Variants in DAB1 observed in about 807,000 individuals in gnomAD.
DAB1 encodes the protein disabled homolog 1.
In DAB1, 15 loss-of-function variants were observed where a neutral mutation model predicts 64.6. The observed-to-expected ratio is 0.23, with a 90% CI of 0.16 to 0.36. DAB1 has a LOEUF of 0.36. Among genes scored for constraint, DAB1 ranks in the 10% least tolerant of loss-of-function variants. The pLI, the probability that DAB1 is intolerant of heterozygous loss-of-function variation, is 1.00. For missense variants in DAB1, 596 were observed against 706.7 expected (o/e 0.84, Z 1.78); for synonymous variants, 235 against 251.9 (o/e 0.93, Z 0.64).
At chr1:57,196,471 T>A (rs1281168023) in intron 2 of DAB1, among the ~76,000 whole-genome samples, 1 of 152,172 alleles carries the variant, frequency 6.6e-6, no homozygotes, top group South Asian at 2.1e-4. Context: ...ACCAGGAAGA[T>A]TAGCAAACAT....
chr1:57,909,555 G>C (rs1644609519), intron 5 of DAB1, among the ~76,000 whole-genome samples: 1 of 151,994 alleles, frequency 6.6e-6, no homozygotes, highest in Non-Finnish European at 1.5e-5. Context: ...TCTAGTTAGA[G>C]AAACAATTTT....
At chr1:57,584,895 T>A (rs1402941215) in intron 7 of DAB1, among the ~76,000 whole-genome samples, 3 of 150,080 alleles carry the variant, frequency 2.0e-5, no homozygotes, top group Non-Finnish European at 4.5e-5. Flanking sequence ...GCCATCACAT[T>A]TCCTCATCTA....
At chr1:57,899,949 T>A (rs1163765248) in intron 5 of DAB1, among the ~76,000 whole-genome samples, 1 of 151,500 alleles carries the variant, frequency 6.6e-6, no homozygotes, top group Non-Finnish European at 1.5e-5. Context: ...TTTTTTTTTT[T>A]ATTTTTTAGA....
At chr1:57,739,434 C>CCCCTCCCCTCCCCCCCCCTCCCCTT (rs1647859166) in intron 6 of DAB1, among the ~76,000 whole-genome samples, 2 of 18,104 alleles carry the variant, frequency 1.1e-4, no homozygotes, top group Non-Finnish European at 2.3e-4. Context: ...CAACTCCCCT[C>CCCCTCCCCTCCCCCCCCCTCCCCTT]CCCTCCCCTC....
At chr1:57,365,210 A>C (rs1275911456) in intron 1 of DAB1, among the ~76,000 whole-genome samples, 1 of 142,030 alleles carries the variant, frequency 7.0e-6, no homozygotes. Context: ...AAATATATAA[A>C]TATATATTTA....
At chr1:57,765,863 T>C (rs1649288163) in intron 6 of DAB1, among the ~76,000 whole-genome samples, 1 of 152,272 alleles carries the variant, frequency 6.6e-6, no homozygotes, top group East Asian at 1.9e-4. Context: ...ACTCCTGACC[T>C]CAAGTGATCT....
chr1:57,246,113 G>A (rs1365607944), intron 2 of DAB1, among the ~76,000 whole-genome samples: 1 of 152,216 alleles, frequency 6.6e-6, no homozygotes, highest in Non-Finnish European at 1.5e-5. Context: ...GCAGAAATTT[G>A]CATAAGTAAT....
In DAB1 at chr1:56,997,074, C is replaced by T. The variant is rs1362585669; in HGVS notation, c.*1070G>A. The T allele has an allele frequency of 1.3e-5, 2 of 152,036 alleles. No homozygotes were observed. The highest frequency in any genetic ancestry group is 6.6e-5 in the Admixed American group (1 of 15,266). The allele number at this position is 152,036 out of a possible 1,614,324, so 9.4% of individuals were successfully genotyped here. The stretch of plus-strand genomic sequence containing the variant: ...TTTGTTATTCTGAATATTTATGCCA[C>T]CATTGTTCCATTAGAAAGTTGGTTT... On this transcript the variant is annotated 3_prime_UTR_variant, in exon 15 of 15. Transcript: ENST00000371236.
At chr1:57,966,945 A>C (rs1645681208) in intron 5 of DAB1, among the ~76,000 whole-genome samples, 1 of 152,218 alleles carries the variant, frequency 6.6e-6, no homozygotes, top group Non-Finnish European at 1.5e-5. Flanking sequence ...CCTGTAGTTT[A>C]CACTACTGGT....
At chr1:57,695,352 GAAAAGAAAGAA>G in intron 6 of DAB1, among the ~76,000 whole-genome samples, 1 of 53,010 alleles carries the variant, frequency 1.9e-5, no homozygotes, top group South Asian at 7.9e-4. Flanking sequence ...AAGAAAGAAA[GAAAAGAAAGAA>G]GAAAGAAAGA....
At chr1:57,389,902 C>T (rs761379515) in intron 1 of DAB1, among the ~76,000 whole-genome samples, 12 of 152,102 alleles carry the variant, frequency 7.9e-5, no homozygotes, top group Non-Finnish European at 1.2e-4. Context: ...GAGTTGTTTA[C>T]CTATATCAAC....
At chr1:57,244,530 C>G (rs1021022185) in intron 2 of DAB1, among the ~76,000 whole-genome samples, 2 of 152,194 alleles carry the variant, frequency 1.3e-5, no homozygotes, top group Admixed American at 1.3e-4. Flanking sequence ...TAATCTCCAG[C>G]TGAAGATTAG....
intron 3 of DAB1, chr1:58,481,103 G>A (rs779870004): frequency 1.1e-6 from 1 of 871,894 alleles, no homozygotes; most frequent in South Asian, 1.3e-5. Context: ...GCTTCGTGCT[G>A]AGTTTGAATA....
chr1:58,337,279 C>G (rs1406349722), intron 4 of DAB1, among the ~76,000 whole-genome samples: 1 of 137,430 alleles, frequency 7.3e-6, no homozygotes, highest in Non-Finnish European at 1.5e-5. Context: ...GAGACTCTGT[C>G]TCAAAGAAAA....
At chr1:57,974,429 T>C (rs983023753) in intron 5 of DAB1, among the ~76,000 whole-genome samples, 3 of 152,158 alleles carry the variant, frequency 2.0e-5, no homozygotes, top group African/African-American at 7.2e-5. Context: ...AGCACCAGCA[T>C]ATGATGGACA....
At chr1:57,754,675 G>A (rs923664194) in intron 6 of DAB1, among the ~76,000 whole-genome samples, 6 of 151,174 alleles carry the variant, frequency 4.0e-5, no homozygotes, top group African/African-American at 1.5e-4. Context: ...GGGAGATAGA[G>A]GGAGATTCTG....
At chr1:57,652,089 C>T (rs1246949600) in intron 6 of DAB1, among the ~76,000 whole-genome samples, 1 of 152,186 alleles carries the variant, frequency 6.6e-6, no homozygotes, top group Non-Finnish European at 1.5e-5. Flanking sequence ...CTGAATTTTG[C>T]TAAGGTGTAG....
At chr1:57,890,616 T>A (rs927042892) in intron 5 of DAB1, among the ~76,000 whole-genome samples, 2 of 151,990 alleles carry the variant, frequency 1.3e-5, no homozygotes, top group African/African-American at 4.8e-5. Context: ...CTACTATGCC[T>A]GGGTAATTTT....
intron 11 of DAB1, among the ~76,000 whole-genome samples, chr1:57,021,611 T>C (rs912807726): frequency 6.6e-6 from 1 of 152,212 alleles, no homozygotes; most frequent in African/African-American, 2.4e-5. Flanking sequence ...CCCAGCCATG[T>C]GGAACAGTGA....
Sources: gnomAD v4.1 joint callset for allele counts (sites outside exome capture counted in the v4.1 genomes callset) on GRCh38, gnomAD v4.1.1 for gene constraint, MANE v1.5 for transcripts, NCBI Gene and HGNC (gene_info 2026-07-23, HGNC 2026-07-21) for gene names.